The following ERBB4 variants were observed in gnomAD, a reference collection of about 807,000 sequenced individuals.
ERBB4 encodes erb-b2 receptor tyrosine kinase 4.
ERBB4 carries 42 observed loss-of-function variants against 158.0 expected under a neutral mutation model. The observed-to-expected ratio is 0.27, with a 90% CI of 0.21 to 0.34. The LOEUF is 0.34. Ranked by LOEUF, ERBB4 falls within the 10% of genes least tolerant of loss-of-function variation. ERBB4 has a pLI of 1.00. For missense variants in ERBB4, 1,333 were observed against 1,624.1 expected (o/e 0.82, Z 3.08); for synonymous variants, 583 against 558.7 (o/e 1.04, Z -0.61).
chr2:211,485,670 T>G (rs1291057264), intron 20 of ERBB4, among the ~76,000 whole-genome samples: 1 of 141,950 alleles, frequency 7.0e-6, no homozygotes, highest in African/African-American at 2.6e-5. Context: ...TTATGCTTTG[T>G]CTTGAATATC....
rs1574494773 is a variant in ERBB4 at position 211,379,023 on chromosome 2, C to T, written c.*4592G>A. The T allele has an allele frequency of 3.5e-5, 8 of 231,350 alleles. No homozygotes were observed. The highest frequency in any genetic ancestry group is 8.5e-6 in the Non-Finnish European group (1 of 117,054). 14.3% of individuals were successfully genotyped at this position (231,350 alleles called of 1,614,324 possible). On this transcript the variant is annotated 3_prime_UTR_variant, in exon 28 of 28. Transcript: ENST00000342788. ...CTGATGCACATGGATTTCTCATTTG[C>T]CCTATAACAATCATCATTCTAATAA...
intron 2 of ERBB4, among the ~76,000 whole-genome samples, chr2:212,108,903 A>G (rs943427533): frequency 6.6e-6 from 1 of 152,084 alleles, no homozygotes; most frequent in African/African-American, 2.4e-5. Context: ...CTGAGTATCT[A>G]TGGTGGTAGG....
intron 4 of ERBB4, among the ~76,000 whole-genome samples, chr2:211,751,620 G>T (rs1197635917): frequency 2.0e-5 from 3 of 152,044 alleles, no homozygotes; most frequent in Non-Finnish European, 4.4e-5. Flanking sequence ...ATTGTTAATA[G>T]GATTCTCCCA....
intron 1 of ERBB4, chr2:212,426,310 A>C (rs770468356): frequency 2.1e-6 from 1 of 469,372 alleles, no homozygotes; most frequent in Admixed American, 2.7e-5. Context: ...TTTGCCATTA[A>C]AAGTAATGAT....
rs373263246 is a variant in ERBB4, at chr2:211,990,423, T to C, written c.235-42807A>G. 3.9e-5 allele frequency among the ~76,000 whole-genome samples: 6 copies of C among 152,098 alleles called. No homozygotes were observed. The East Asian group carries it at 1.2e-3, about 29-fold the overall frequency. Reference sequence around the variant, plus strand: ...ATCTTAACATTCAGATTATTTGAAATAACTGTACATTTGTCACAAAATCCA... The same window carrying C: ...ATCTTAACATTCAGATTATTTGAAACAACTGTACATTTGTCACAAAATCCA... On this transcript the variant is annotated intron_variant, in intron 2 of 27. Transcript: ENST00000342788.
intron 3 of ERBB4, among the ~76,000 whole-genome samples, chr2:211,876,542 A>G (rs79208599): frequency 0.057 from 8,712 of 152,288 alleles, 390 homozygotes; most frequent in Middle Eastern, 0.088. Context: ...GATAAATCAT[A>G]GAGACTGTGT....
chr2:211,804,090 G>A (rs1403970479), intron 3 of ERBB4, among the ~76,000 whole-genome samples: 1 of 152,112 alleles, frequency 6.6e-6, no homozygotes, highest in Non-Finnish European at 1.5e-5. Flanking sequence ...CACTTCCACT[G>A]CTGAATATTT....
At chr2:211,905,671 T>TATATAC (rs2079364440) in intron 3 of ERBB4, among the ~76,000 whole-genome samples, 1 of 112,994 alleles carries the variant, frequency 8.9e-6, no homozygotes, top group Non-Finnish European at 1.8e-5. Flanking sequence ...TATATATATA[T>TATATAC]ATATATATAT....
chr2:211,915,435 T>TCATATATA (rs1553512120), intron 3 of ERBB4, among the ~76,000 whole-genome samples: 2 of 135,448 alleles, frequency 1.5e-5, no homozygotes, highest in African/African-American at 6.6e-5. Flanking sequence ...AGTTCAAACA[T>TCATATATA]TACATATATA....
rs144588239 is a variant in ERBB4, at chr2:212,244,727, T to A, written c.83-119824A>T. On this transcript the variant is annotated intron_variant, in intron 1 of 27. Coordinates refer to ENST00000342788, the MANE Select transcript of ERBB4 (RefSeq NM_005235.3). Reference sequence around the variant, plus strand: ...AAAATATCTTTTCAGATTTTATCTATCTTCTACAGTCTGGTTTAACTTTCA... The same window carrying A: ...AAAATATCTTTTCAGATTTTATCTAACTTCTACAGTCTGGTTTAACTTTCA... Among the ~76,000 whole-genome samples, 10 of 152,290 alleles carry A rather than the reference T, an allele frequency of 6.6e-5. No individual in the cohort carries two copies. The East Asian group carries it at 1.9e-3, about 29-fold the overall frequency.
chr2:212,287,356 A>C (rs548802869), intron 1 of ERBB4, among the ~76,000 whole-genome samples: 1 of 152,182 alleles, frequency 6.6e-6, no homozygotes, highest in Non-Finnish European at 1.5e-5. Context: ...TATAGGTGAG[A>C]AGACAGACAG....
Position 211,800,659 on chromosome 2 carries a change from TAA to T in ERBB4, c.422-12502_422-12501del, listed in dbSNP as rs35946148. Reference sequence around the variant, plus strand: ...CTTTTCTACATGAAAAACTGTGCGTTAAAAAAAAAAAAAAAAAAAAACCTCTT... The same window carrying T: ...CTTTTCTACATGAAAAACTGTGCGTTAAAAAAAAAAAAAAAAAAACCTCTT... On this transcript the variant is annotated intron_variant, in intron 3 of 27. Transcript: ENST00000342788. Among the ~76,000 whole-genome samples the T allele has an allele frequency of 4.3e-3, 548 of 128,552 alleles. 3 individuals carry two copies. Among genetic ancestry groups the T allele is most frequent in the African/African-American group, 6.5e-3 (237 of 36,410 alleles). The allele number at this position is 128,552 out of a possible 152,430, so 84.3% of individuals were successfully genotyped here. A position where few individuals can be genotyped will look rare whatever the true frequency, so the allele number is the denominator to read the frequency against.
intron 1 of ERBB4, among the ~76,000 whole-genome samples, chr2:212,183,770 T>C (rs771434343): frequency 2.6e-5 from 4 of 152,094 alleles, no homozygotes; most frequent in African/African-American, 4.8e-5. Flanking sequence ...CAGGAAAATC[T>C]GCCAAACCAA....
intron 3 of ERBB4, among the ~76,000 whole-genome samples, chr2:211,898,444 T>A (rs559455692): frequency 6.6e-6 from 1 of 152,302 alleles, no homozygotes; most frequent in East Asian, 1.9e-4. Context: ...CATAATAGAT[T>A]TTCTTCAAGT....
At chr2:211,860,933 C>T (rs1398388971) in intron 3 of ERBB4, among the ~76,000 whole-genome samples, 2 of 119,906 alleles carry the variant, frequency 1.7e-5, no homozygotes, top group Non-Finnish European at 3.3e-5. Context: ...CAATATATTA[C>T]ATTATATATA....
intron 20 of ERBB4, among the ~76,000 whole-genome samples, chr2:211,459,924 G>A (rs2125499434): frequency 6.6e-6 from 1 of 152,182 alleles, no homozygotes; most frequent in Non-Finnish European, 1.5e-5. Flanking sequence ...TATATGGTTA[G>A]TCAACATCAA....
intron 2 of ERBB4, among the ~76,000 whole-genome samples, chr2:212,021,275 T>C (rs74803828): frequency 0.08 from 12,240 of 152,200 alleles, 522 homozygotes; most frequent in South Asian, 0.12. Context: ...ATGATTCCAA[T>C]GGCACTCAAA....
chr2:212,233,268 T>C (rs1364170120), intron 1 of ERBB4, among the ~76,000 whole-genome samples: 1 of 152,190 alleles, frequency 6.6e-6, no homozygotes, highest in East Asian at 1.9e-4. Context: ...TCATAAATCT[T>C]GAAATCCACT....
chr2:211,669,216 C>CAAAAAAAAAAAAAAAAAAAAA (rs71054124), intron 14 of ERBB4, among the ~76,000 whole-genome samples: 2 of 56,110 alleles, frequency 3.6e-5, no homozygotes, highest in Non-Finnish European at 7.0e-5. Flanking sequence ...GAGTGAGTCT[C>CAAAAAAAAAAAAAAAAAAAAA]AAAAAAAAAA....
Sources: gnomAD v4.1 joint callset for allele counts (sites outside exome capture counted in the v4.1 genomes callset) on GRCh38, gnomAD v4.1.1 for gene constraint, MANE v1.5 for transcripts, NCBI Gene and HGNC (gene_info 2026-07-23, HGNC 2026-07-21) for gene names.